Variants in DCDC1 observed in about 807,000 individuals in gnomAD.
DCDC1 encodes the protein doublecortin domain containing 1, also known as doublecortin domain-containing protein 1.
A neutral mutation model predicts 178.3 loss-of-function variants in DCDC1; 200 were observed. The ratio of observed to expected loss-of-function variants is 1.12; its 90% CI spans 1.00 to 1.26. The LOEUF (loss-of-function observed/expected upper bound fraction) is 1.26, where lower values mean the gene tolerates loss of function less well. DCDC1 is among the 50% of genes most tolerant of loss of function. The pLI is 0.00. For missense variants in DCDC1, 1,983 were observed against 1,749.2 expected (o/e 1.13, Z -2.38); for synonymous variants, 690 against 604.8 (o/e 1.14, Z -2.07).
At chr11:30,881,874 C>T (rs1231133101) in intron 36 of DCDC1, among the ~76,000 whole-genome samples, 1 of 152,168 alleles carries the variant, frequency 6.6e-6, no homozygotes, top group Non-Finnish European at 1.5e-5. Context: ...CTCAATTTAT[C>T]TTGAATACTT....
chr11:31,116,059 T>C (rs1959910172), intron 11 of DCDC1, among the ~76,000 whole-genome samples: 1 of 142,038 alleles, frequency 7.0e-6, no homozygotes, highest in Non-Finnish European at 1.5e-5. Flanking sequence ...CACACACACA[T>C]GATAGGTCAG....
chr11:30,941,128 A>G (rs1947614658), intron 21 of DCDC1, among the ~76,000 whole-genome samples: 5 of 152,188 alleles, frequency 3.3e-5, no homozygotes, highest in Admixed American at 3.3e-4. Context: ...CAAGGACCCA[A>G]CTACTTTTCA....
At chr11:31,080,947 T>C (rs1314354651) in intron 17 of DCDC1, among the ~76,000 whole-genome samples, 1 of 152,200 alleles carries the variant, frequency 6.6e-6, no homozygotes, top group African/African-American at 2.4e-5. Context: ...AATTCAGAAT[T>C]TTGTCTTTTT....
chr11:31,225,950 C>T (rs771949891), intron 9 of DCDC1, among the ~76,000 whole-genome samples: 1 of 151,754 alleles, frequency 6.6e-6, no homozygotes, highest in Admixed American at 6.6e-5. Context: ...GGTTATTGAA[C>T]AGTGATAATA....
chr11:31,071,276 T>G (rs1027522638), intron 18 of DCDC1, among the ~76,000 whole-genome samples: 2 of 152,150 alleles, frequency 1.3e-5, no homozygotes, highest in Non-Finnish European at 2.9e-5. Context: ...ATTCATACAA[T>G]CTCATTGTTG....
chr11:31,278,638 T>A (rs1331878337), intron 7 of DCDC1, among the ~76,000 whole-genome samples: 2 of 152,094 alleles, frequency 1.3e-5, no homozygotes, highest in Non-Finnish European at 2.9e-5. Flanking sequence ...ATTATACACT[T>A]GAAAATTGCT....
intron 26 of DCDC1, 147 bp from the exon 27 acceptor site, chr11:30,915,858 G>T: frequency 1.4e-6 from 1 of 735,170 alleles, no homozygotes; most frequent in Non-Finnish European, 2.3e-6. Context: ...TCATTAGAAT[G>T]ACGGCAATGC....
Position 31,163,578 on chromosome 11 carries a change from A to T in DCDC1, c.1222-25794T>A, listed in dbSNP as rs16921865. On this transcript the variant is annotated intron_variant, in intron 9 of 38. Coordinates refer to ENST00000684477, the MANE Select transcript of DCDC1 (RefSeq NM_001387274.1). ...ACATACTTATGAAAATTTATTTAAGATTTGCTCATTTGCCTTTTAGAATGT... is the reference window on the plus strand; with the variant it reads ...ACATACTTATGAAAATTTATTTAAGTTTTGCTCATTTGCCTTTTAGAATGT... Among the ~76,000 whole-genome samples, 222 of 152,274 alleles carry T rather than the reference A, an allele frequency of 1.5e-3. 5 individuals are homozygous for T. In the East Asian group the frequency reaches 0.015, roughly 10 times the overall value.
intron 6 of DCDC1, among the ~76,000 whole-genome samples, chr11:31,292,403 T>G (rs928391380): frequency 6.6e-6 from 1 of 152,078 alleles, no homozygotes; most frequent in Non-Finnish European, 1.5e-5. Context: ...GATAGTACAA[T>G]GTATAACACA....
At chr11:31,092,963 T>A (rs1285972562) in intron 16 of DCDC1, among the ~76,000 whole-genome samples, 1 of 152,252 alleles carries the variant, frequency 6.6e-6, no homozygotes, top group Non-Finnish European at 1.5e-5. Flanking sequence ...CCTCAGTTTC[T>A]TCAGCTGTAT....
At chr11:30,900,266 AT>A in intron 33 of DCDC1, 79 bp downstream of exon 33, 1 of 1,257,034 alleles carries the variant, frequency 8.0e-7, no homozygotes, top group Non-Finnish European at 1.0e-6. Context: ...CATTTAATTC[AT>A]TTTCTTATGA....
At chr11:30,903,421 T>C in intron 32 of DCDC1, 61 bp downstream of exon 32, 5 of 1,370,072 alleles carry the variant, frequency 3.6e-6, no homozygotes, top group East Asian at 2.6e-5. Context: ...AATAATCATG[T>C]TTAACGTTTT....
At chr11:31,137,595 G>A (rs940829365) in intron 10 of DCDC1, 97 bp downstream of exon 10, 92 of 596,990 alleles carry the variant, frequency 1.5e-4, no homozygotes, top group Middle Eastern at 2.9e-4. Context: ...TGATCTTCCC[G>A]CCTCGGCCTC....
intron 20 of DCDC1, among the ~76,000 whole-genome samples, chr11:30,988,701 T>C (rs983490986): frequency 6.6e-6 from 1 of 152,190 alleles, no homozygotes; most frequent in Non-Finnish European, 1.5e-5. Flanking sequence ...ACACTAATGA[T>C]AGCTGATAAC....
intron 21 of DCDC1, chr11:30,943,545 AT>A (rs557257781): frequency 2.6e-6 from 1 of 384,684 alleles, no homozygotes; most frequent in Non-Finnish European, 5.2e-6. Context: ...TTTTACCACA[AT>A]TCCTTCCTTG....
chr11:31,219,926 G>C (rs1409500952), intron 9 of DCDC1, among the ~76,000 whole-genome samples: 2 of 152,116 alleles, frequency 1.3e-5, no homozygotes, highest in Non-Finnish European at 2.9e-5. Flanking sequence ...AGACCTCAGA[G>C]CTGGTTAAAC....
At chr11:30,904,930 T>C (rs747858495) in intron 31 of DCDC1, 31 bp downstream of exon 31, 3 of 1,611,706 alleles carry the variant, frequency 1.9e-6, no homozygotes, top group East Asian at 2.2e-5. Context: ...CCTCTGAAGA[T>C]GCAAGCAGCA....
At chr11:31,096,015 G>A (rs530643586) in intron 15 of DCDC1, among the ~76,000 whole-genome samples, 9 of 152,120 alleles carry the variant, frequency 5.9e-5, no homozygotes, top group African/African-American at 2.2e-4. Context: ...TTGTTGAGTA[G>A]CAAATTATTT....
chr11:31,221,236 T>A (rs906532510), intron 9 of DCDC1, among the ~76,000 whole-genome samples: 2 of 152,198 alleles, frequency 1.3e-5, no homozygotes. Context: ...AAATCAGATA[T>A]GGGTCAGACC....
Sources: allele counts gnomAD v4.1 joint callset (sites outside exome capture counted in the v4.1 genomes callset), GRCh38; gene constraint gnomAD v4.1.1; transcripts MANE v1.5; gene names NCBI Gene and HGNC (gene_info 2026-07-23, HGNC 2026-07-21).